The following CMAS variants were observed in gnomAD, a reference collection of about 807,000 sequenced individuals.
CMAS encodes N-acylneuraminate cytidylyltransferase.
In CMAS, 21 loss-of-function variants were observed where a neutral mutation model predicts 53.4. The observed-to-expected ratio is 0.39, with a 90% CI of 0.28 to 0.57. CMAS has a LOEUF of 0.57. CMAS is among the 20% of genes least tolerant of loss of function. The pLI is 0.56. For missense variants in CMAS, 384 were observed against 534.9 expected, an observed-to-expected ratio of 0.72 and a Z score of 2.78; for synonymous variants, 189 against 195.2, an observed-to-expected ratio of 0.97 and a Z score of 0.27.
chr12:22,064,513 T>A (rs1950331930), intron 7 of CMAS, among the ~76,000 whole-genome samples: 2 of 152,114 alleles, frequency 1.3e-5, no homozygotes, highest in South Asian at 4.1e-4. Flanking sequence ...AAGGACAATT[T>A]TGAGACAGCT....
chr12:22,061,688 T>A (rs1285079025), intron 6 of CMAS, among the ~76,000 whole-genome samples: 2 of 152,152 alleles, frequency 1.3e-5, no homozygotes, highest in East Asian at 3.8e-4. Context: ...TAACTACTTT[T>A]AAATGGGAGC....
intron 1 of CMAS, 96 bp from the exon 2 acceptor site, chr12:22,055,053 A>C: frequency 1.2e-6 from 1 of 814,606 alleles, no homozygotes; most frequent in Non-Finnish European, 1.8e-6. Flanking sequence ...AAATATTCTC[A>C]CATTATATAA....
In CMAS at chr12:22,061,151, T is replaced by G. The variant is rs1591794941; in HGVS notation, c.789-130T>G. 23 of 733,894 alleles carry G rather than the reference T, an allele frequency of 3.1e-5. No individual in the cohort carries two copies. The East Asian group carries it at 5.6e-4, about 18-fold the overall frequency. 45.5% of individuals were successfully genotyped at this position (733,894 alleles called of 1,614,324 possible). On this transcript the variant is annotated intron_variant, in intron 5 of 7. Transcript: ENST00000229329. ...TGTACTATATGTTAAAATATATATGTGAAGTAAATTTGGAGAGTAATGTTT... is the reference window on the plus strand; with the variant it reads ...TGTACTATATGTTAAAATATATATGGGAAGTAAATTTGGAGAGTAATGTTT...
At chr12:22,060,085 G>T (rs1239302448) in intron 4 of CMAS, among the ~76,000 whole-genome samples, 1 of 151,762 alleles carries the variant, frequency 6.6e-6, no homozygotes. Context: ...CCTGTTAGTT[G>T]CAAATTAGAA....
chr12:22,057,469 T>C (rs1423958992), intron 3 of CMAS, among the ~76,000 whole-genome samples: 1 of 152,182 alleles, frequency 6.6e-6, no homozygotes, highest in Non-Finnish European at 1.5e-5. Flanking sequence ...ATATGTTACA[T>C]AAACATTTTC....
At chr12:22,062,178 G>A in intron 6 of CMAS, 103 bp from the exon 7 acceptor site, 1 of 1,016,142 alleles carries the variant, frequency 9.8e-7, no homozygotes, top group Non-Finnish European at 1.4e-6. Flanking sequence ...ACTCGTTTGT[G>A]ATTTGGACTG....
chr12:22,059,146 ATATTT>A (rs869044961), intron 4 of CMAS, among the ~76,000 whole-genome samples: 21 of 122,674 alleles, frequency 1.7e-4, no homozygotes, highest in African/African-American at 6.5e-4. Context: ...ATATATATAT[ATATTT>A]TTTTTTTTTT....
At chr12:22,047,316 T>C (rs976923145) in intron 1 of CMAS, among the ~76,000 whole-genome samples, 6 of 152,198 alleles carry the variant, frequency 3.9e-5, no homozygotes, top group South Asian at 2.1e-4. Context: ...GCTGATGTTA[T>C]TCATAAAAGA....
Position 22,046,394 on chromosome 12 carries a change from T to C in CMAS, c.91T>C (p.Ser31Pro), listed in dbSNP as rs776241976. The C allele has an allele frequency of 1.9e-6, 3 of 1,584,108 alleles. No individual in the cohort carries two copies. The South Asian group carries it at 3.5e-5, about 18-fold the overall frequency. The change falls in exon 1 of 8, where the codon TCT (serine) becomes CCT (proline). Residue 31 changes from serine (S) to proline (P), a missense_variant. By Grantham distance (74) the Ser-to-Pro change is moderately conservative (BLOSUM62 -1). Transcript: ENST00000229329. ...CCGGCCGCCGAAGCTGCAGCGCAAC[T>C]CTCGCGGCGGCCAGGGCCGAGGTGT... The part of the protein sequence containing the change: ...RGRPPKLQRN[S>P]RGGQGRGVEK...
At chr12:22,060,333 TAAAAAAAAAAAA>T (rs58755366) in intron 4 of CMAS, among the ~76,000 whole-genome samples, 12 of 54,136 alleles carry the variant, frequency 2.2e-4, no homozygotes, top group African/African-American at 6.8e-4. Context: ...GCTTTCTCCT[TAAAAAAAAAAAA>T]AAAAAAAAAA....
chr12:22,060,964 T>A (rs1343201441), intron 5 of CMAS, 38 bp downstream of exon 5: 1 of 1,177,402 alleles, frequency 8.5e-7, no homozygotes. Context: ...TTGTACTAAA[T>A]CTTAATAATT....
chr12:22,058,825 A>G, intron 4 of CMAS, 125 bp downstream of exon 4: 3 of 1,127,318 alleles, frequency 2.7e-6, no homozygotes. Flanking sequence ...AGGAAAGGTA[A>G]TAGCCAACAA....
At chr12:22,064,972 G>A (rs1591796230) in intron 7 of CMAS, 149 bp from the exon 8 acceptor site, 6 of 501,906 alleles carry the variant, frequency 1.2e-5, no homozygotes, top group Middle Eastern at 5.5e-4. Flanking sequence ...AAATATTTTT[G>A]TTCCATCTAA....
At chr12:22,058,962 A>C (rs1015752632) in intron 4 of CMAS, among the ~76,000 whole-genome samples, 1 of 152,026 alleles carries the variant, frequency 6.6e-6, no homozygotes, top group Non-Finnish European at 1.5e-5. Flanking sequence ...GTGTCTACAC[A>C]TGTCCTGGTA....
chr12:22,064,337 A>G (rs79482603), intron 7 of CMAS, among the ~76,000 whole-genome samples: 4,135 of 152,220 alleles, frequency 0.027, 204 homozygotes, highest in African/African-American at 0.094. Flanking sequence ...ATGATTTAGT[A>G]TCTATTTTTA....
chr12:22,062,717 G>T lies in CMAS; in HGVS notation c.1114+283G>T, dbSNP rs188257941. The stretch of plus-strand genomic sequence containing the variant: ...TAAGATGAATGTTGTTTCCTCATCT[G>T]TAAACTGGAGATATCGAGAGTACCT... On this transcript the variant is annotated intron_variant, in intron 7 of 7. Coordinates refer to ENST00000229329, the MANE Select transcript of CMAS (RefSeq NM_018686.6). Among the ~76,000 whole-genome samples, 23 of 152,266 alleles carry T rather than the reference G, an allele frequency of 1.5e-4. No individual in the cohort carries two copies. In the East Asian group the frequency reaches 3.9e-3, roughly 26 times the overall value.
At chr12:22,048,217 A>G (rs1022866979) in intron 1 of CMAS, among the ~76,000 whole-genome samples, 1 of 152,240 alleles carries the variant, frequency 6.6e-6, no homozygotes, top group African/African-American at 2.4e-5. Context: ...AAGGAAAGAC[A>G]TGCAGTATAC....
chr12:22,054,226 C>T (rs1950254354), intron 1 of CMAS, among the ~76,000 whole-genome samples: 1 of 152,036 alleles, frequency 6.6e-6, no homozygotes, highest in African/African-American at 2.4e-5. Context: ...CAGGCCTGAC[C>T]AAACATTGTG....
intron 3 of CMAS, 46 bp downstream of exon 3, chr12:22,055,656 A>C (rs1950263288): frequency 1.0e-5 from 16 of 1,535,038 alleles, no homozygotes; most frequent in Admixed American, 5.5e-5. Context: ...ATTGAGAATC[A>C]ATTTTTTTGT....
Sources: allele counts gnomAD v4.1 joint callset (sites outside exome capture counted in the v4.1 genomes callset), GRCh38; gene constraint gnomAD v4.1.1; transcripts MANE v1.5; gene names NCBI Gene and HGNC (gene_info 2026-07-23, HGNC 2026-07-21).